FBXL7: variants seen among roughly 807,000 people sequenced by gnomAD.
FBXL7 encodes F-box/LRR-repeat protein 7.
In FBXL7, 12 loss-of-function variants were observed where a neutral mutation model predicts 38.3. The ratio of observed to expected loss-of-function variants is 0.31; its 90% confidence interval spans 0.20 to 0.51. FBXL7 has a LOEUF of 0.51. Ranked by LOEUF, FBXL7 falls within the 20% of genes least tolerant of loss-of-function variation. The pLI is 0.98. For missense variants in FBXL7, 567 were observed against 676.4 expected (o/e 0.84, Z 1.79); for synonymous variants, 297 against 300.9 (o/e 0.99, Z 0.13).
intron 2 of FBXL7, among the ~76,000 whole-genome samples, chr5:15,845,444 A>G (rs1303410484): frequency 1.3e-5 from 2 of 152,108 alleles, no homozygotes; most frequent in African/African-American, 4.8e-5. Context: ...CAAGTAACAT[A>G]CTTTTACCTC....
intron 1 of FBXL7, among the ~76,000 whole-genome samples, chr5:15,567,998 G>T (rs2126446955): frequency 6.6e-6 from 1 of 152,124 alleles, no homozygotes; most frequent in Non-Finnish European, 1.5e-5. Context: ...GTCTATCATT[G>T]TTGGACATTT....
chr5:15,598,840 A>G (rs1739705869), intron 1 of FBXL7, among the ~76,000 whole-genome samples: 1 of 152,148 alleles, frequency 6.6e-6, no homozygotes, highest in Non-Finnish European at 1.5e-5. Context: ...CTTAGGGTAA[A>G]TAGAGCTCCT....
intron 2 of FBXL7, among the ~76,000 whole-genome samples, chr5:15,677,033 TACAA>T (rs1383573242): frequency 1.3e-5 from 2 of 152,322 alleles, no homozygotes; most frequent in East Asian, 3.9e-4. Flanking sequence ...AAAATGGAAA[TACAA>T]ACAAACCTCT....
At position 15,500,642 on chromosome 5, in the gene FBXL7, G is replaced by A. The variant is rs752480800; in HGVS notation, c.-35G>A. ...GCAGGACGTGCGCCGCAGCTATGGAGTGTCCCGGGAGACGGCGGGCATGAC... is the reference window on the plus strand; with the variant it reads ...GCAGGACGTGCGCCGCAGCTATGGAATGTCCCGGGAGACGGCGGGCATGAC... On this transcript the variant is annotated 5_prime_UTR_variant, in exon 1 of 4. The change creates a new upstream start codon in the 5' untranslated region. Coordinates refer to ENST00000504595, the MANE Select transcript of FBXL7 (RefSeq NM_012304.5). 3.1e-6 allele frequency: 5 copies of A among 1,613,526 alleles called. No homozygotes were observed. In the South Asian group the frequency reaches 4.4e-5, roughly 14 times the overall value.
At chr5:15,752,253 C>T (rs1258786884) in intron 2 of FBXL7, among the ~76,000 whole-genome samples, 1 of 151,910 alleles carries the variant, frequency 6.6e-6, no homozygotes, top group Non-Finnish European at 1.5e-5. Context: ...ACATGTAACC[C>T]GGAACTTAAA....
At chr5:15,686,567 A>G (rs138993622) in intron 2 of FBXL7, among the ~76,000 whole-genome samples, 72 of 152,312 alleles carry the variant, frequency 4.7e-4, no homozygotes, top group African/African-American at 1.6e-3. Flanking sequence ...TTCTCTCTGT[A>G]TAGCCCTGAA....
At chr5:15,583,079 C>T (rs1739193349) in intron 1 of FBXL7, among the ~76,000 whole-genome samples, 1 of 152,052 alleles carries the variant, frequency 6.6e-6, no homozygotes, top group South Asian at 2.1e-4. Flanking sequence ...AGAAAACTTA[C>T]AGTCATGGCA....
At chr5:15,758,581 T>TTTGCAACAA (rs1275257672) in intron 2 of FBXL7, among the ~76,000 whole-genome samples, 1 of 152,158 alleles carries the variant, frequency 6.6e-6, no homozygotes, top group Non-Finnish European at 1.5e-5. Flanking sequence ...AATGGACCAT[T>TTTGCAACAA]TTGCAACAAT....
In FBXL7 at chr5:15,559,557, T is replaced by C. The variant is rs145081592; in HGVS notation, c.38-56426T>C. Among the ~76,000 whole-genome samples, 550 of 152,330 alleles carry C rather than the reference T, an allele frequency of 3.6e-3. 1 individual carries two copies. The highest frequency in any genetic ancestry group is 8.6e-3 in the Admixed American group (132 of 15,300). On this transcript the variant is annotated intron_variant, in intron 1 of 3. Coordinates refer to ENST00000504595, the MANE Select transcript of FBXL7 (RefSeq NM_012304.5). ...CTAAAAACGATCCTAAAATCTCTTA[T>C]AGAAGACCATTTTCACTATTCTGTG...
At chr5:15,685,053 T>A (rs1742973478) in intron 2 of FBXL7, among the ~76,000 whole-genome samples, 1 of 152,116 alleles carries the variant, frequency 6.6e-6, no homozygotes, top group African/African-American at 2.4e-5. Flanking sequence ...TTGTGACATT[T>A]AGTAAGTCGG....
intron 2 of FBXL7, among the ~76,000 whole-genome samples, chr5:15,728,958 G>C (rs577040879): frequency 1.3e-5 from 2 of 152,208 alleles, no homozygotes; most frequent in East Asian, 1.9e-4. Flanking sequence ...TACGTAATCT[G>C]ATTTAGTTCC....
chr5:15,845,926 T>C (rs1738887334), intron 2 of FBXL7, among the ~76,000 whole-genome samples: 1 of 152,148 alleles, frequency 6.6e-6, no homozygotes, highest in Non-Finnish European at 1.5e-5. Flanking sequence ...GAGCCGAGAT[T>C]GCACCACTGC....
chr5:15,801,453 C>G (rs1737561200), intron 2 of FBXL7, among the ~76,000 whole-genome samples: 1 of 152,130 alleles, frequency 6.6e-6, no homozygotes, highest in South Asian at 2.1e-4. Context: ...AAAAGTGTAG[C>G]TTTCATTTTG....
intron 2 of FBXL7, among the ~76,000 whole-genome samples, chr5:15,642,362 C>G (rs1741394497): frequency 6.6e-6 from 1 of 152,172 alleles, no homozygotes; most frequent in Non-Finnish European, 1.5e-5. Flanking sequence ...CACACACAGC[C>G]AACTTGAGCA....
At chr5:15,563,434 C>T (rs1738473663) in intron 1 of FBXL7, among the ~76,000 whole-genome samples, 1 of 152,102 alleles carries the variant, frequency 6.6e-6, no homozygotes. Context: ...TGCCTTCTGA[C>T]ATTTGTTGAG....
At chr5:15,827,586 C>T (rs1738349633) in intron 2 of FBXL7, among the ~76,000 whole-genome samples, 1 of 152,108 alleles carries the variant, frequency 6.6e-6, no homozygotes, top group Non-Finnish European at 1.5e-5. Context: ...TGGCGAAAGG[C>T]AGCAGAGTGA....
intron 2 of FBXL7, among the ~76,000 whole-genome samples, chr5:15,736,623 T>C (rs1735757414): frequency 6.6e-6 from 1 of 152,206 alleles, no homozygotes. Context: ...CTTTGTCCCT[T>C]TTTCTCCATT....
At chr5:15,697,088 C>T (rs1396263272) in intron 2 of FBXL7, among the ~76,000 whole-genome samples, 1 of 152,056 alleles carries the variant, frequency 6.6e-6, no homozygotes, top group Non-Finnish European at 1.5e-5. Context: ...AACCTAACAC[C>T]AAATAGATTA....
At chr5:15,785,563 T>C (rs1193011288) in intron 2 of FBXL7, among the ~76,000 whole-genome samples, 1 of 152,168 alleles carries the variant, frequency 6.6e-6, no homozygotes, top group Non-Finnish European at 1.5e-5. Flanking sequence ...TGTAAGCCAA[T>C]CACCTCCCTC....
Sources: allele counts gnomAD v4.1 joint callset (sites outside exome capture counted in the v4.1 genomes callset), GRCh38; gene constraint gnomAD v4.1.1; transcripts MANE v1.5; gene names NCBI Gene and HGNC (gene_info 2026-07-23, HGNC 2026-07-21).